TAX1BP1: variants seen among roughly 807,000 people sequenced by gnomAD.
The protein encoded by TAX1BP1 is tax1-binding protein 1.
Under a neutral mutation model 97.7 loss-of-function variants are expected in TAX1BP1, and 62 were observed. That is an observed-to-expected ratio of 0.63 (90% CI 0.52 to 0.78). The LOEUF (loss-of-function observed/expected upper bound fraction) is 0.78. Ranked by LOEUF, TAX1BP1 falls within the 30% of genes least tolerant of loss-of-function variation. The pLI is 0.00. For missense variants in TAX1BP1, 867 were observed against 916.1 expected (o/e 0.95, Z 0.69); for synonymous variants, 340 against 304.2 (o/e 1.12, Z -1.23).
At chr7:27,789,554 G>C (rs1789621818) in intron 8 of TAX1BP1, among the ~76,000 whole-genome samples, 1 of 151,726 alleles carries the variant, frequency 6.6e-6, no homozygotes, top group African/African-American at 2.4e-5. Flanking sequence ...CTTAAAAAAG[G>C]TAGCGCTACT....
chr7:27,788,484 A>T (rs1789576596), intron 8 of TAX1BP1, among the ~76,000 whole-genome samples: 1 of 151,982 alleles, frequency 6.6e-6, no homozygotes, highest in Admixed American at 6.5e-5. Context: ...GGTAATAATT[A>T]ATGATAGAAA....
chr7:27,740,041 G>C (rs1019259482), upstream of TAX1BP1: 1 of 152,310 alleles, frequency 6.6e-6, no homozygotes, highest in African/African-American at 2.4e-5. Flanking sequence ...TCCCGCGGCG[G>C]AGTGGGCTGG....
At chr7:27,785,553 G>T in intron 7 of TAX1BP1, 64 bp downstream of exon 7, 1 of 1,383,412 alleles carries the variant, frequency 7.2e-7, no homozygotes, top group East Asian at 2.3e-5. Flanking sequence ...AGAACTTAGG[G>T]GCTGTAGGTC....
At chr7:27,746,352 G>A (rs1292838309) in intron 1 of TAX1BP1, among the ~76,000 whole-genome samples, 1 of 146,336 alleles carries the variant, frequency 6.8e-6, no homozygotes, top group African/African-American at 2.5e-5. Context: ...TTCTTTTGTT[G>A]GTGTCTTGTA....
chr7:27,773,424 C>T (rs149914956), intron 5 of TAX1BP1, among the ~76,000 whole-genome samples: 5 of 152,152 alleles, frequency 3.3e-5, no homozygotes, highest in Admixed American at 6.6e-5. Flanking sequence ...AAAGCTTTTA[C>T]TTACTTGTGG....
At chr7:27,777,492 T>G (rs1270500587) in intron 5 of TAX1BP1, among the ~76,000 whole-genome samples, 1 of 152,220 alleles carries the variant, frequency 6.6e-6, no homozygotes, top group East Asian at 1.9e-4. Context: ...CCACTATTCC[T>G]GGCCCTTTTT....
At position 27,740,218 on chromosome 7, in the gene TAX1BP1, G is replaced by A. The variant is rs570963218; in HGVS notation, c.-59G>A. 4.6e-5 allele frequency: 7 copies of A among 152,654 alleles called. No homozygotes were observed. The East Asian group carries it at 1.4e-3, about 29-fold the overall frequency. The allele number at this position is 152,654 out of a possible 1,614,324, so 9.5% of individuals were successfully genotyped here. On this transcript the variant is annotated 5_prime_UTR_variant, in exon 1 of 17. Coordinates refer to ENST00000396319, the MANE Select transcript of TAX1BP1 (RefSeq NM_006024.7). Reference sequence around the variant, plus strand: ...AGGTTCGGCGGCTGATGGCGGATCAGGATCGGAAGCCTGCGTAACTTTCTC... The same window carrying A: ...AGGTTCGGCGGCTGATGGCGGATCAAGATCGGAAGCCTGCGTAACTTTCTC...
intron 5 of TAX1BP1, among the ~76,000 whole-genome samples, chr7:27,772,788 G>T (rs904559560): frequency 5.3e-5 from 8 of 151,874 alleles, no homozygotes; most frequent in Non-Finnish European, 7.4e-5. Context: ...CTGCTTGAAG[G>T]AATAAACTAG....
chr7:27,743,639 A>G (rs1787701829), intron 1 of TAX1BP1, among the ~76,000 whole-genome samples: 1 of 152,282 alleles, frequency 6.6e-6, no homozygotes, highest in Non-Finnish European at 1.5e-5. Flanking sequence ...GAGAATGAAC[A>G]GTAAAATGAA....
At chr7:27,823,169 C>T (rs1014366279) in intron 15 of TAX1BP1, among the ~76,000 whole-genome samples, 22 of 152,174 alleles carry the variant, frequency 1.4e-4, no homozygotes, top group African/African-American at 4.6e-4. Context: ...TCTGGCAAAG[C>T]ATAAGCAATA....
chr7:27,820,668 G>A (rs1790941076), intron 15 of TAX1BP1, among the ~76,000 whole-genome samples: 1 of 152,154 alleles, frequency 6.6e-6, no homozygotes, highest in African/African-American at 2.4e-5. Flanking sequence ...TTCGATGAAA[G>A]AATGAAATTA....
intron 13 of TAX1BP1, among the ~76,000 whole-genome samples, chr7:27,811,529 A>G (rs1434783085): frequency 6.6e-6 from 1 of 151,994 alleles, no homozygotes; most frequent in Non-Finnish European, 1.5e-5. Flanking sequence ...AACCAGCTCA[A>G]CTTTCCAGAC....
chr7:27,799,279 C>T (rs528823549), intron 12 of TAX1BP1, among the ~76,000 whole-genome samples: 4 of 152,250 alleles, frequency 2.6e-5, no homozygotes, highest in Non-Finnish European at 4.4e-5. Context: ...TATTTTTAAG[C>T]GTTCACATTG....
chr7:27,745,618 G>A (rs1405116555), intron 1 of TAX1BP1, among the ~76,000 whole-genome samples: 1 of 152,012 alleles, frequency 6.6e-6, no homozygotes, highest in African/African-American at 2.4e-5. Context: ...GATTAATGAA[G>A]GCCATTAATA....
chr7:27,805,278 C>T (rs1310212603), intron 13 of TAX1BP1, among the ~76,000 whole-genome samples: 1 of 152,064 alleles, frequency 6.6e-6, no homozygotes, highest in Non-Finnish European at 1.5e-5. Context: ...AACATCTTAT[C>T]TTTTTTGTGA....
At chr7:27,756,720 G>A (rs1788231718) in intron 2 of TAX1BP1, among the ~76,000 whole-genome samples, 2 of 151,998 alleles carry the variant, frequency 1.3e-5, no homozygotes, top group Admixed American at 1.3e-4. Flanking sequence ...TTCAGATGCT[G>A]CTTTTAGGTT....
chr7:27,789,606 G>A (rs1789624094), intron 8 of TAX1BP1, among the ~76,000 whole-genome samples: 1 of 151,752 alleles, frequency 6.6e-6, no homozygotes, highest in Admixed American at 6.6e-5. Context: ...AACAAAATAA[G>A]TTGCTAGTTA....
intron 2 of TAX1BP1, among the ~76,000 whole-genome samples, chr7:27,751,456 C>G (rs1340800634): frequency 6.6e-6 from 1 of 151,994 alleles, no homozygotes; most frequent in Non-Finnish European, 1.5e-5. Flanking sequence ...ACTGATGCAT[C>G]ATAGTGTGTG....
At chr7:27,765,681 T>C (rs1788604269) in intron 3 of TAX1BP1, among the ~76,000 whole-genome samples, 153 bp from the exon 4 acceptor site, 1 of 152,210 alleles carries the variant, frequency 6.6e-6, no homozygotes, top group Non-Finnish European at 1.5e-5. Context: ...AGGAAGAATC[T>C]AGTTTTGATA....
Sources: allele counts gnomAD v4.1 joint callset (sites outside exome capture counted in the v4.1 genomes callset), GRCh38; gene constraint gnomAD v4.1.1; transcripts MANE v1.5; gene names NCBI Gene and HGNC (gene_info 2026-07-23, HGNC 2026-07-21).